The following TIAM2 variants were observed in gnomAD, a reference collection of about 807,000 sequenced individuals.
The protein encoded by TIAM2 is rho guanine nucleotide exchange factor TIAM2.
TIAM2 carries 80 observed loss-of-function variants against 152.9 expected under a neutral mutation model. The observed-to-expected ratio is 0.52, with a 90% CI of 0.44 to 0.63. The LOEUF is 0.63. TIAM2 is among the 30% of genes least tolerant of loss of function. The pLI is 0.00. For missense variants in TIAM2, 1,965 were observed against 2,120.1 expected, an observed-to-expected ratio of 0.93 and a Z score of 1.44; for synonymous variants, 804 against 838.0, an observed-to-expected ratio of 0.96 and a Z score of 0.70.
At chr6:155,161,585 T>A (rs1780271975) in intron 7 of TIAM2, among the ~76,000 whole-genome samples, 1 of 148,940 alleles carries the variant, frequency 6.7e-6, no homozygotes, top group South Asian at 2.1e-4. Flanking sequence ...TTTTTTTTTC[T>A]GAGATGGAGT....
intron 1 of TIAM2, among the ~76,000 whole-genome samples, chr6:155,066,074 G>T (rs112758876): frequency 6.6e-6 from 1 of 152,104 alleles, no homozygotes; most frequent in South Asian, 2.1e-4. Flanking sequence ...AAGCCTTCCC[G>T]GAAAAATGGG....
intron 2 of TIAM2, among the ~76,000 whole-genome samples, chr6:155,093,967 C>T (rs949989413): frequency 6.6e-5 from 10 of 152,160 alleles, no homozygotes; most frequent in African/African-American, 2.4e-4. Context: ...TTGTCATTTG[C>T]AGCAGAGGCT....
At chr6:155,056,841 T>C (rs1777463171) in intron 1 of TIAM2, among the ~76,000 whole-genome samples, 1 of 151,982 alleles carries the variant, frequency 6.6e-6, no homozygotes, top group Admixed American at 6.6e-5. Context: ...TTGTCCCTAA[T>C]GTCCTTTTTC....
chr6:155,028,903 C>A (rs62651288), intron 1 of TIAM2, among the ~76,000 whole-genome samples: 44,630 of 54,674 alleles, frequency 0.82, 18,698 homozygotes, highest in East Asian at 0.88. Flanking sequence ...TATATACTAT[C>A]TATACTATGT....
chr6:155,058,597 T>A, intron 1 of TIAM2, among the ~76,000 whole-genome samples: 1 of 152,216 alleles, frequency 6.6e-6, no homozygotes, highest in East Asian at 1.9e-4. Flanking sequence ...TATGTAACAG[T>A]ATTCCATTAA....
chr6:155,097,096 T>C (rs1028809420), intron 2 of TIAM2, among the ~76,000 whole-genome samples: 1 of 152,228 alleles, frequency 6.6e-6, no homozygotes, highest in Non-Finnish European at 1.5e-5. Flanking sequence ...ATTTCTCTGA[T>C]GATTAGTGAT....
intron 15 of TIAM2, among the ~76,000 whole-genome samples, chr6:155,231,134 A>ATG (rs1782457943): frequency 6.6e-6 from 1 of 151,934 alleles, no homozygotes; most frequent in African/African-American, 2.4e-5. Context: ...GAGCCACTGC[A>ATG]CCCGGCCCTA....
intron 2 of TIAM2, among the ~76,000 whole-genome samples, chr6:155,105,598 T>C (rs78634831): frequency 6.8e-5 from 10 of 146,194 alleles, no homozygotes. Context: ...GCTTGGCTAA[T>C]TTTTTTTTTT....
At chr6:155,034,922 T>C (rs535852469) in intron 1 of TIAM2, among the ~76,000 whole-genome samples, 2 of 152,324 alleles carry the variant, frequency 1.3e-5, no homozygotes, top group East Asian at 3.9e-4. Flanking sequence ...ATATTTTTCA[T>C]TAGCTGATTA....
chr6:155,052,358 C>G (rs1377882312), intron 1 of TIAM2, among the ~76,000 whole-genome samples: 1 of 152,030 alleles, frequency 6.6e-6, no homozygotes, highest in Non-Finnish European at 1.5e-5. Flanking sequence ...TATTAACATA[C>G]AATTTGAAAT....
At chr6:155,023,649 T>G (rs983850106) in intron 1 of TIAM2, among the ~76,000 whole-genome samples, 16 of 152,128 alleles carry the variant, frequency 1.1e-4, no homozygotes, top group African/African-American at 3.4e-4. Context: ...CCTCTGGAGG[T>G]CTTCTCTTGC....
At position 155,055,020 on chromosome 6, in the gene TIAM2, G is replaced by A. The variant is rs114229390; in HGVS notation, c.-208-35269G>A. On this transcript the variant is annotated intron_variant, in intron 1 of 26. Transcript: ENST00000682666. ...TGATAGATGGGAACGTGCTGTGGCT[G>A]CAGGAAGCCCTGGGACATGATTTTT... 9.8e-3 allele frequency among the ~76,000 whole-genome samples: 1,498 copies of A among 152,270 alleles called. 23 individuals are homozygous for A. Among genetic ancestry groups the A allele is most frequent in the African/African-American group, 0.034 (1,425 of 41,540 alleles).
intron 15 of TIAM2, among the ~76,000 whole-genome samples, chr6:155,211,878 C>T (rs1781731111): frequency 6.6e-6 from 1 of 152,128 alleles, no homozygotes; most frequent in Admixed American, 6.5e-5. Flanking sequence ...CTCTCTATTT[C>T]CCCTGCTTTC....
chr6:155,126,816 T>A (rs1779308006), intron 2 of TIAM2, among the ~76,000 whole-genome samples: 1 of 152,146 alleles, frequency 6.6e-6, no homozygotes, highest in Non-Finnish European at 1.5e-5. Context: ...AACTTTTTTT[T>A]TTTTTTTTAA....
At chr6:155,069,006 C>A (rs543371312) in intron 1 of TIAM2, among the ~76,000 whole-genome samples, 1 of 152,204 alleles carries the variant, frequency 6.6e-6, no homozygotes, top group Non-Finnish European at 1.5e-5. Flanking sequence ...GCAGCCTTGA[C>A]CTCCTGGGCT....
intron 1 of TIAM2, among the ~76,000 whole-genome samples, chr6:155,020,154 C>G (rs1011979677): frequency 6.6e-6 from 1 of 152,150 alleles, no homozygotes; most frequent in Admixed American, 6.5e-5. Flanking sequence ...GGCTGTGCAG[C>G]CTTGCCTAAG....
At chr6:155,236,168 G>C (rs1782746039) in intron 15 of TIAM2, among the ~76,000 whole-genome samples, 1 of 151,882 alleles carries the variant, frequency 6.6e-6, no homozygotes, top group East Asian at 1.9e-4. Flanking sequence ...CAGAACACCA[G>C]AGTCATGGCT....
At chr6:155,069,506 C>G (rs1777786295) in intron 1 of TIAM2, among the ~76,000 whole-genome samples, 2 of 152,258 alleles carry the variant, frequency 1.3e-5, no homozygotes, top group South Asian at 4.2e-4. Flanking sequence ...TATAAAGATT[C>G]TATAAAGCAG....
At chr6:155,015,753 A>T (rs1040197415) in intron 1 of TIAM2, among the ~76,000 whole-genome samples, 1 of 151,982 alleles carries the variant, frequency 6.6e-6, no homozygotes, top group Admixed American at 6.6e-5. Context: ...CCTGGCCAAC[A>T]TGGTGAAATC....
Sources: gnomAD v4.1 joint callset for allele counts (sites outside exome capture counted in the v4.1 genomes callset) on GRCh38, gnomAD v4.1.1 for gene constraint, MANE v1.5 for transcripts, NCBI Gene and HGNC (gene_info 2026-07-23, HGNC 2026-07-21) for gene names.